PCDHA10: variants seen among roughly 807,000 people sequenced by gnomAD.
The protein encoded by PCDHA10 is protocadherin alpha 10, also known as protocadherin alpha-10.
Under a neutral mutation model 61.2 loss-of-function variants are expected in PCDHA10, and 45 were observed. The ratio of observed to expected loss-of-function variants is 0.74; its 90% CI spans 0.58 to 0.94. The LOEUF (loss-of-function observed/expected upper bound fraction) is 0.94. Among genes scored for constraint, PCDHA10 ranks in the 40% least tolerant of loss-of-function variants. The pLI, the probability that PCDHA10 is intolerant of heterozygous loss-of-function variation, is 0.00. For synonymous variants in PCDHA10, 602 were observed against 548.8 expected (o/e 1.10, Z -1.35); for missense variants, 1,278 against 1,236.2 (o/e 1.03, Z -0.51).
intron 3 of PCDHA10, among the ~76,000 whole-genome samples, chr5:141,001,133 A>G (rs2097993653): frequency 6.6e-6 from 1 of 152,034 alleles, no homozygotes; most frequent in Non-Finnish European, 1.5e-5. Flanking sequence ...AAACAAATGA[A>G]TCTTCTGTTG....
intron 1 of PCDHA10, among the ~76,000 whole-genome samples, chr5:140,881,750 C>T (rs1161973911): frequency 6.6e-6 from 1 of 152,092 alleles, no homozygotes; most frequent in Non-Finnish European, 1.5e-5. Flanking sequence ...AGGACAGTAC[C>T]ACAAAAACCT....
chr5:140,870,318 G>A (rs372041974), intron 1 of PCDHA10: 11 of 1,614,060 alleles, frequency 6.8e-6, no homozygotes, highest in African/African-American at 4.0e-5. Flanking sequence ...ATTACTACTC[G>A]TTGGTGCTGG....
At chr5:140,882,511 T>C (rs782672669) in intron 1 of PCDHA10, 2 of 1,614,128 alleles carry the variant, frequency 1.2e-6, no homozygotes, top group Admixed American at 3.3e-5. Flanking sequence ...ATCTGCAGAA[T>C]GGCATTTTGT....
Position 140,882,649 on chromosome 5 carries a change from C to T in PCDHA10, c.2388+24213C>T, listed in dbSNP as rs559940161. On this transcript the variant is annotated intron_variant, in intron 1 of 3. Transcript: ENST00000307360. ...TGGAGGTGAAGGTGAGGGACATTAA[C>T]GACAACCCGCCCATATTCCCTGAAA... The T allele has an allele frequency of 6.2e-6, 10 of 1,614,214 alleles. No individual in the cohort carries two copies. In the African/African-American group the frequency reaches 1.1e-4, roughly 17 times the overall value.
In PCDHA10 at chr5:140,929,209, G is replaced by A. The variant is rs553616030; in HGVS notation, c.2389-49740G>A. Reference sequence around the variant, plus strand: ...TGATAATAACAGTTTGCTGTTGCGTGGGGAGTACAATGCTGCCGACCTGCG... The same window carrying A: ...TGATAATAACAGTTTGCTGTTGCGTAGGGAGTACAATGCTGCCGACCTGCG... On this transcript the variant is annotated intron_variant, in intron 1 of 3. Transcript: ENST00000307360. 71 of 1,614,054 alleles carry A rather than the reference G, an allele frequency of 4.4e-5. 2 individuals carry two copies. The South Asian group carries it at 7.1e-4, about 16-fold the overall frequency.
At chr5:140,887,241 C>T (rs1215011038) in intron 1 of PCDHA10, among the ~76,000 whole-genome samples, 2 of 151,912 alleles carry the variant, frequency 1.3e-5, no homozygotes, top group African/African-American at 2.4e-5. Flanking sequence ...AGACTACCGG[C>T]GCCCGCCACC....
At chr5:140,873,301 A>G (rs1463024301) in intron 1 of PCDHA10, among the ~76,000 whole-genome samples, 1 of 152,238 alleles carries the variant, frequency 6.6e-6, no homozygotes, top group Non-Finnish European at 1.5e-5. Flanking sequence ...TTATAAATAT[A>G]ATAAAGGTGA....
At chr5:140,870,860 C>A (rs782404408) in intron 1 of PCDHA10, 6 of 1,613,882 alleles carry the variant, frequency 3.7e-6, no homozygotes, top group Non-Finnish European at 2.5e-6. Context: ...TCGGTGGGTG[C>A]GGGCCACGTG....
rs1554149194 is a variant in PCDHA10 at position 140,856,833 on chromosome 5, G to T, written c.785G>T (p.Arg262Leu). ...CAAGTGAACCAAACATTAGTAATAC[G>T]GCTCAACGCTTCTGATTCGGATGAA... Reference protein sequence around the residue: ...ENQVNQTLVIRLNASDSDEGI... With the variant: ...ENQVNQTLVILLNASDSDEGI... Residue 262 changes from arginine to leucine, a missense_variant, in exon 1 of 4, where the codon CGG becomes CTG. Transcript: ENST00000307360. The T allele has an allele frequency of 1.9e-6, 3 of 1,591,548 alleles. No individual in the cohort carries two copies. Among genetic ancestry groups the T allele is most frequent in the Admixed American group, 1.7e-5 (1 of 59,130 alleles).
intron 3 of PCDHA10, among the ~76,000 whole-genome samples, chr5:140,993,787 A>AT (rs1554253947): frequency 6.6e-6 from 1 of 152,196 alleles, no homozygotes; most frequent in Non-Finnish European, 1.5e-5. Context: ...GTACAGTAAC[A>AT]TGCTGTGCAG....
intron 2 of PCDHA10, among the ~76,000 whole-genome samples, chr5:140,980,631 A>G (rs1272240071): frequency 6.6e-6 from 1 of 152,222 alleles, no homozygotes; most frequent in Non-Finnish European, 1.5e-5. Flanking sequence ...TCTGTCTCAG[A>G]AGAATAAATA....
chr5:140,982,218 G>T, intron 2 of PCDHA10: 1 of 523,694 alleles, frequency 1.9e-6, no homozygotes, highest in South Asian at 3.9e-5. Flanking sequence ...GCCACATGGC[G>T]TTAATAAAAA....
At chr5:140,929,404 G>T (rs530409256) in intron 1 of PCDHA10, 1 of 1,506,596 alleles carries the variant, frequency 6.6e-7, no homozygotes, top group South Asian at 1.4e-5. Flanking sequence ...TCTTAGACAA[G>T]CCTTTCACAA....
chr5:140,858,142 G>A lies in PCDHA10; in HGVS notation c.2094G>A (p.Leu698=), dbSNP rs782422253. 2.5e-6 allele frequency: 4 copies of A among 1,597,702 alleles called. No individual in the cohort carries two copies. The South Asian group carries it at 3.3e-5, about 13-fold the overall frequency. Residue 698 remains leucine (L), a synonymous_variant, in exon 1 of 4, where the codon CTG becomes CTA. Transcript: ENST00000307360. The part of the protein sequence containing the change: ...EVALVDVNVY[L]IIAICAVSSL... The stretch of plus-strand genomic sequence containing the variant: ...CCCTGGTGGATGTCAACGTGTACCT[G>A]ATCATCGCCATCTGCGCGGTGTCCA...
chr5:140,997,668 T>TTGTGTGTGTGTGTGTG (rs35184029), intron 3 of PCDHA10, among the ~76,000 whole-genome samples: 13 of 148,244 alleles, frequency 8.8e-5, no homozygotes, highest in African/African-American at 2.2e-4. Flanking sequence ...ATTATACAGC[T>TTGTGTGTGTGTGTGTG]TGTGTGTGTG....
chr5:140,878,033 A>G, intron 1 of PCDHA10: 2 of 574,166 alleles, frequency 3.5e-6, no homozygotes, highest in Non-Finnish European at 5.4e-6. Context: ...TGTAGGTACA[A>G]TGGAGGCCAT....
intron 1 of PCDHA10, chr5:140,927,305 C>A: frequency 6.2e-7 from 1 of 1,614,190 alleles, no homozygotes; most frequent in African/African-American, 1.3e-5. Flanking sequence ...GAGTTCCTGA[C>A]GCCCGGAGCC....
chr5:140,983,966 C>A (rs782428444), intron 3 of PCDHA10, among the ~76,000 whole-genome samples: 1 of 152,048 alleles, frequency 6.6e-6, no homozygotes, highest in Non-Finnish European at 1.5e-5. Flanking sequence ...CACATTTGTC[C>A]AAAAAATATA....
intron 1 of PCDHA10, chr5:140,870,360 C>T (rs1562642999): frequency 6.2e-7 from 1 of 1,614,166 alleles, no homozygotes; most frequent in Non-Finnish European, 8.5e-7. Context: ...ACGTGTGGGC[C>T]TATGAACTGG....
Sources: gnomAD v4.1 joint callset for allele counts (sites outside exome capture counted in the v4.1 genomes callset) on GRCh38, gnomAD v4.1.1 for gene constraint, MANE v1.5 for transcripts, NCBI Gene and HGNC (gene_info 2026-07-23, HGNC 2026-07-21) for gene names.